The following NEDD4L variants were observed in gnomAD, a reference collection of about 807,000 sequenced individuals.
The protein encoded by NEDD4L is NEDD4 like E3 ubiquitin protein ligase.
In NEDD4L, 54 loss-of-function variants were observed where a neutral mutation model predicts 148.9. That is an observed-to-expected ratio of 0.36 (90% CI 0.29 to 0.45). The LOEUF (loss-of-function observed/expected upper bound fraction) is 0.45, where lower values mean the gene tolerates loss of function less well. Among genes scored for constraint, NEDD4L ranks in the 20% least tolerant of loss-of-function variants. The pLI, the probability that NEDD4L is intolerant of heterozygous loss-of-function variation, is 1.00. For missense variants in NEDD4L, 856 were observed against 1,233.8 expected (o/e 0.69, Z 4.59); for synonymous variants, 433 against 440.7 (o/e 0.98, Z 0.22).
At chr18:58,189,348 C>G (rs2039836150) in intron 2 of NEDD4L, among the ~76,000 whole-genome samples, 1 of 152,150 alleles carries the variant, frequency 6.6e-6, no homozygotes, top group African/African-American at 2.4e-5. Context: ...AGGCAGTGAC[C>G]TTTACACCCC....
chr18:58,108,989 G>A (rs971124483), intron 1 of NEDD4L, among the ~76,000 whole-genome samples: 1 of 152,240 alleles, frequency 6.6e-6, no homozygotes, highest in Non-Finnish European at 1.5e-5. Flanking sequence ...TGCTATGCAA[G>A]AAGGTAGAAA....
intron 5 of NEDD4L, among the ~76,000 whole-genome samples, chr18:58,264,901 G>A (rs567344757): frequency 2.0e-5 from 3 of 152,162 alleles, no homozygotes; most frequent in African/African-American, 4.8e-5. Flanking sequence ...ATCACTGCAC[G>A]TGAAGCCCTA....
intron 1 of NEDD4L, among the ~76,000 whole-genome samples, chr18:58,119,818 G>A (rs4940643): frequency 0.057 from 8,668 of 152,274 alleles, 341 homozygotes; most frequent in East Asian, 0.1. Flanking sequence ...CAGAAATGCT[G>A]ACTTCATTGG....
chr18:58,354,314 C>A lies in NEDD4L; in HGVS notation c.1709-2880C>A, dbSNP rs904214172. Among the ~76,000 whole-genome samples the A allele has an allele frequency of 2.6e-5, 4 of 152,116 alleles. 1 individual carries two copies. In the South Asian group the frequency reaches 8.3e-4, roughly 32 times the overall value. On this transcript the variant is annotated intron_variant, in intron 18 of 30. Transcript: ENST00000400345. ...TTTGTAAAGTCCTATTTTAGTCTTT[C>A]CTGTCAACAGTCTTACTAGACCTGT...
chr18:58,376,744 G>C (rs2047611097), intron 24 of NEDD4L, among the ~76,000 whole-genome samples: 1 of 152,078 alleles, frequency 6.6e-6, no homozygotes, highest in Admixed American at 6.5e-5. Context: ...AACCTTCAGG[G>C]GTCTCCCCTG....
At chr18:58,347,627 T>G (rs2043268288) in intron 16 of NEDD4L, among the ~76,000 whole-genome samples, 1 of 152,242 alleles carries the variant, frequency 6.6e-6, no homozygotes, top group South Asian at 2.1e-4. Context: ...CTGGATTATT[T>G]TGTGCCTCTG....
Position 58,328,978 on chromosome 18 carries a change from C to T in NEDD4L, c.681-17C>T. 1 of 1,613,896 alleles carries T rather than the reference C, an allele frequency of 6.2e-7. No individual in the cohort carries two copies. The highest frequency in any genetic ancestry group is 8.5e-7 in the Non-Finnish European group (1 of 1,179,796). ...ACCACTTCTCTTCTTCTCTTTCCCC[C>T]TTTCCTGCATGCTCAGGGACGTGTC... On this transcript the variant is annotated splice_polypyrimidine_tract_variant and intron_variant, in intron 9 of 30. Coordinates refer to ENST00000400345, the MANE Select transcript of NEDD4L (RefSeq NM_001144967.3).
chr18:58,180,411 G>A (rs1224451284), intron 2 of NEDD4L, among the ~76,000 whole-genome samples: 5 of 152,124 alleles, frequency 3.3e-5, no homozygotes, highest in Non-Finnish European at 5.9e-5. Flanking sequence ...GGCCTTCAGC[G>A]CCGCAAGGGC....
At position 58,396,234 on chromosome 18, in the gene NEDD4L, G is replaced by T; in HGVS notation, c.2893G>T (p.Val965Leu). Reference sequence around the variant, plus strand: ...TTTACGAGAGAAACTTCTCATGGCCGTGGAAAATGCTCAAGGATTTGAAGG... The same window carrying T: ...TTTACGAGAGAAACTTCTCATGGCCTTGGAAAATGCTCAAGGATTTGAAGG... ...EDLREKLLMA[V>L]ENAQGFEGVD The change falls in exon 31 of 31, where the codon GTG (valine) becomes TTG (leucine). Residue 965 changes from valine to leucine, a missense_variant. Coordinates refer to ENST00000400345, the MANE Select transcript of NEDD4L (RefSeq NM_001144967.3). The T allele has an allele frequency of 1.2e-6, 2 of 1,613,094 alleles. No homozygotes were observed. Among genetic ancestry groups the T allele is most frequent in the Non-Finnish European group, 1.7e-6 (2 of 1,179,376 alleles).
chr18:58,186,630 T>C (rs2039512797), intron 2 of NEDD4L, among the ~76,000 whole-genome samples: 1 of 152,162 alleles, frequency 6.6e-6, no homozygotes, highest in South Asian at 2.1e-4. Context: ...CAATCACTCT[T>C]AGGAGGTAAG....
chr18:58,234,071 T>TTC (rs1294681240), intron 2 of NEDD4L, among the ~76,000 whole-genome samples: 1 of 90,032 alleles, frequency 1.1e-5, no homozygotes, highest in Non-Finnish European at 2.2e-5. Flanking sequence ...CTTTCTTTCT[T>TTC]TCTTTCTTTC....
intron 13 of NEDD4L, chr18:58,336,154 A>G (rs1303442544): frequency 6.6e-6 from 1 of 152,234 alleles, no homozygotes; most frequent in East Asian, 1.9e-4. Flanking sequence ...ATTCTTATTC[A>G]TTATTTTAAA....
intron 27 of NEDD4L, chr18:58,387,809 C>A (rs1207611446): frequency 9.5e-6 from 2 of 210,752 alleles, no homozygotes; most frequent in East Asian, 1.3e-4. Flanking sequence ...GGATCATGGC[C>A]CTATGCACCA....
intron 1 of NEDD4L, among the ~76,000 whole-genome samples, chr18:58,114,274 A>C (rs574975968): frequency 6.6e-6 from 1 of 152,102 alleles, no homozygotes; most frequent in Non-Finnish European, 1.5e-5. Context: ...TTCTAGTGAC[A>C]GTTTTGCTGT....
chr18:58,301,433 A>G (rs112482387), intron 5 of NEDD4L, among the ~76,000 whole-genome samples: 2,064 of 152,308 alleles, frequency 0.014, 35 homozygotes, highest in Non-Finnish European at 0.021. Flanking sequence ...GCCCCCTGCA[A>G]TGTGTCACTC....
chr18:58,249,022 T>A, intron 4 of NEDD4L, 85 bp downstream of exon 4: 1 of 661,914 alleles, frequency 1.5e-6, no homozygotes, highest in Non-Finnish European at 2.5e-6. Context: ...GAAAAGCTCT[T>A]AAATTTTTAA....
Position 58,256,212 on chromosome 18 carries a change from G to A in NEDD4L, c.297+4158G>A. The A allele has an allele frequency of 1.6e-6, 2 of 1,222,330 alleles. No individual in the cohort carries two copies. The highest frequency in any genetic ancestry group is 4.1e-5 in the South Asian group (1 of 24,272). The allele number at this position is 1,222,330 out of a possible 1,614,324, so 75.7% of individuals were successfully genotyped here. A position where few individuals can be genotyped will look rare whatever the true frequency, so the allele number is the denominator to read the frequency against. On this transcript the variant is annotated intron_variant, in intron 5 of 30. Transcript: ENST00000400345. The surrounding 1 kb of genome is among the most constrained non-coding windows in gnomAD (Gnocchi z 5.2). Reference sequence around the variant, plus strand: ...GCGGAGGAGGCTGCCCCGGGCCTGCGCATCCAGCACCGCGCCTCCAGCGCC... The same window carrying A: ...GCGGAGGAGGCTGCCCCGGGCCTGCACATCCAGCACCGCGCCTCCAGCGCC...
chr18:58,263,926 G>A (rs1194289864), intron 5 of NEDD4L, among the ~76,000 whole-genome samples: 1 of 149,568 alleles, frequency 6.7e-6, no homozygotes, highest in Non-Finnish European at 1.5e-5. Flanking sequence ...TAAGGAATTA[G>A]TCACAGTTGA....
At chr18:58,226,209 C>T (rs1196332996) in intron 2 of NEDD4L, among the ~76,000 whole-genome samples, 9 of 152,282 alleles carry the variant, frequency 5.9e-5, no homozygotes, top group South Asian at 2.1e-4. Flanking sequence ...CTAGGAATAT[C>T]CACGCCTATG....
Sources: gnomAD v4.1 joint callset for allele counts (sites outside exome capture counted in the v4.1 genomes callset) on GRCh38, gnomAD v4.1.1 for gene constraint, Gnocchi (gnomAD v3.1) non-coding constraint, MANE v1.5 for transcripts, NCBI Gene and HGNC (gene_info 2026-07-23, HGNC 2026-07-21) for gene names.